Variants in CNTN4 observed in about 807,000 individuals in gnomAD.
CNTN4 encodes the protein contactin 4.
In CNTN4, 77 loss-of-function variants were observed where a neutral mutation model predicts 122.5. The ratio of observed to expected loss-of-function variants is 0.63; its 90% CI spans 0.52 to 0.76. The LOEUF is 0.76. CNTN4 is among the 30% of genes least tolerant of loss of function. The pLI is 0.00. For missense variants in CNTN4, 1,256 were observed against 1,259.1 expected, an observed-to-expected ratio of 1.00 and a Z score of 0.04; for synonymous variants, 512 against 447.0, an observed-to-expected ratio of 1.15 and a Z score of -1.83.
At chr3:2,239,420 C>G (rs1178526) in intron 2 of CNTN4, among the ~76,000 whole-genome samples, 127,746 of 152,128 alleles carry the variant, frequency 0.84, 53,912 homozygotes, top group African/African-American at 0.91. Context: ...AAATCTCATA[C>G]CAAAAATGAC....
intron 7 of CNTN4, among the ~76,000 whole-genome samples, chr3:2,824,173 AACAGGC>A (rs2092936499): frequency 6.6e-6 from 1 of 151,504 alleles, no homozygotes; most frequent in Non-Finnish European, 1.5e-5. Flanking sequence ...AAAAAAAAAA[AACAGGC>A]CAGGCGCGGT....
In CNTN4 at chr3:2,270,106, C is replaced by T. The variant is rs1341474210; in HGVS notation, c.-144-69072C>T. 1.4e-4 allele frequency among the ~76,000 whole-genome samples: 13 copies of T among 92,134 alleles called. 3 individuals are homozygous for T. The highest frequency in any genetic ancestry group is 2.4e-4 in the African/African-American group (7 of 29,310). 60.4% of individuals were successfully genotyped at this position (92,134 alleles called of 152,430 possible). ...CTGGGACTACAGGCGCCCGCCACCG[C>T]GCCCGGCTAATTTTTTGTATTTTTA... On this transcript the variant is annotated intron_variant, in intron 2 of 24. Coordinates refer to ENST00000418658, the MANE Select transcript of CNTN4 (RefSeq NM_175607.3).
intron 13 of CNTN4, among the ~76,000 whole-genome samples, chr3:2,942,972 C>T (rs752332940): frequency 6.6e-6 from 1 of 152,118 alleles, no homozygotes; most frequent in African/African-American, 2.4e-5. Context: ...ATTTTCACAA[C>T]CATGATTGTA....
At chr3:3,045,107 C>T (rs958353721) in intron 23 of CNTN4, among the ~76,000 whole-genome samples, 2 of 152,204 alleles carry the variant, frequency 1.3e-5, no homozygotes, top group Non-Finnish European at 2.9e-5. Flanking sequence ...CCTGCCATTG[C>T]TGAGGCTTGA....
chr3:2,871,824 T>C (rs2093787690), intron 8 of CNTN4, among the ~76,000 whole-genome samples: 1 of 152,216 alleles, frequency 6.6e-6, no homozygotes, highest in Non-Finnish European at 1.5e-5. Context: ...CAAATAACTA[T>C]ATTACTTTGC....
chr3:2,442,903 C>T (rs1340286843), intron 3 of CNTN4, among the ~76,000 whole-genome samples: 1 of 151,950 alleles, frequency 6.6e-6, no homozygotes, highest in Non-Finnish European at 1.5e-5. Context: ...AGAAGTATTT[C>T]CTAGAGGAGG....
chr3:2,439,428 A>G (rs1230818897), intron 3 of CNTN4, among the ~76,000 whole-genome samples: 2 of 152,144 alleles, frequency 1.3e-5, no homozygotes, highest in South Asian at 2.1e-4. Flanking sequence ...ACTTGGTATC[A>G]TAATAATATG....
intron 3 of CNTN4, among the ~76,000 whole-genome samples, chr3:2,344,247 A>T (rs2044313589): frequency 1.3e-5 from 2 of 151,650 alleles, no homozygotes; most frequent in African/African-American, 2.4e-5. Flanking sequence ...GTCCTGTCTG[A>T]CCTGACTGCC....
intron 1 of CNTN4, among the ~76,000 whole-genome samples, chr3:2,100,115 A>C: frequency 6.6e-6 from 1 of 152,160 alleles, no homozygotes; most frequent in South Asian, 2.1e-4. Flanking sequence ...AGTGTGACTG[A>C]GCACCCTGGG....
At chr3:2,570,036 TGGC>T (rs2079350724) in intron 3 of CNTN4, among the ~76,000 whole-genome samples, 1 of 151,922 alleles carries the variant, frequency 6.6e-6, no homozygotes, top group Non-Finnish European at 1.5e-5. Context: ...CATTCACACA[TGGC>T]GGGCTGGCAG....
intron 4 of CNTN4, among the ~76,000 whole-genome samples, chr3:2,582,366 G>A (rs2079981530): frequency 6.6e-6 from 1 of 152,032 alleles, no homozygotes; most frequent in Non-Finnish European, 1.5e-5. Context: ...ATAATGAGTG[G>A]CATAATCAGA....
chr3:2,747,577 A>G (rs2089862881), intron 6 of CNTN4, among the ~76,000 whole-genome samples: 1 of 152,212 alleles, frequency 6.6e-6, no homozygotes, highest in Non-Finnish European at 1.5e-5. Flanking sequence ...ATATTCAAGG[A>G]CAGTCATTTA....
chr3:2,518,221 G>GTGTA (rs1245076328), intron 3 of CNTN4, among the ~76,000 whole-genome samples: 3 of 152,080 alleles, frequency 2.0e-5, no homozygotes, highest in African/African-American at 7.2e-5. Flanking sequence ...TAATATGTGT[G>GTGTA]TGTGTGTGTG....
chr3:2,247,371 G>A (rs2040197208), intron 2 of CNTN4, among the ~76,000 whole-genome samples: 1 of 151,970 alleles, frequency 6.6e-6, no homozygotes, highest in South Asian at 2.1e-4. Flanking sequence ...GGTGTTGTAA[G>A]GAGAGATTAT....
intron 4 of CNTN4, among the ~76,000 whole-genome samples, chr3:2,683,525 T>G (rs960819510): frequency 6.6e-6 from 1 of 152,146 alleles, no homozygotes; most frequent in African/African-American, 2.4e-5. Flanking sequence ...GATGTAAACA[T>G]TTAGACCAGT....
At position 2,225,423 on chromosome 3, in the gene CNTN4, G is replaced by T. The variant is rs531100561; in HGVS notation, c.-144-113755G>T. ...CAGCTACTTGGGAGGCTGAGGCAAAGAATTGCTTAAATCCGGGTGGCAGAG... is the reference window on the plus strand; with the variant it reads ...CAGCTACTTGGGAGGCTGAGGCAAATAATTGCTTAAATCCGGGTGGCAGAG... On this transcript the variant is annotated intron_variant, in intron 2 of 24. Transcript: ENST00000418658. 3.3e-5 allele frequency among the ~76,000 whole-genome samples: 5 copies of T among 152,026 alleles called. No individual in the cohort carries two copies. In the South Asian group the frequency reaches 8.3e-4, roughly 25 times the overall value.
chr3:2,287,414 C>T (rs2041940369), intron 2 of CNTN4, among the ~76,000 whole-genome samples: 1 of 151,770 alleles, frequency 6.6e-6, no homozygotes, highest in Non-Finnish European at 1.5e-5. Flanking sequence ...CCAGCCTAGG[C>T]AACTTAGTGA....
At chr3:2,515,113 T>C (rs536592423) in intron 3 of CNTN4, among the ~76,000 whole-genome samples, 1 of 152,270 alleles carries the variant, frequency 6.6e-6, no homozygotes, top group African/African-American at 2.4e-5. Flanking sequence ...TGCGGCTTTC[T>C]CTTATGATAG....
intron 2 of CNTN4, among the ~76,000 whole-genome samples, chr3:2,187,023 T>C (rs2149314611): frequency 6.6e-6 from 1 of 152,332 alleles, no homozygotes; most frequent in African/African-American, 2.4e-5. Context: ...CTGAATGGTA[T>C]TGCCTAGGTT....
Sources: gnomAD v4.1 joint callset for allele counts (sites outside exome capture counted in the v4.1 genomes callset) on GRCh38, gnomAD v4.1.1 for gene constraint, MANE v1.5 for transcripts, NCBI Gene and HGNC (gene_info 2026-07-23, HGNC 2026-07-21) for gene names.